The following ELF2 variants were observed in gnomAD, a reference collection of about 807,000 sequenced individuals.
ELF2 encodes the protein ETS-related transcription factor Elf-2.
Under a neutral mutation model 54.8 loss-of-function variants are expected in ELF2, and 11 were observed. The observed-to-expected ratio is 0.20, with a 90% CI of 0.13 to 0.33. The LOEUF is 0.33. ELF2 is among the 10% of genes least tolerant of loss of function. ELF2 has a pLI of 1.00. For missense variants in ELF2, 513 were observed against 703.0 expected, an observed-to-expected ratio of 0.73 and a Z score of 3.06; for synonymous variants, 203 against 245.1, an observed-to-expected ratio of 0.83 and a Z score of 1.61.
intron 1 of ELF2, among the ~76,000 whole-genome samples, chr4:139,158,409 A>G (rs2148896210): frequency 6.6e-6 from 1 of 152,270 alleles, no homozygotes; most frequent in Admixed American, 6.5e-5. Context: ...AAATAACATA[A>G]AACAAAATAG....
At chr4:139,113,352 T>A (rs1427828596) in intron 4 of ELF2, among the ~76,000 whole-genome samples, 1 of 152,120 alleles carries the variant, frequency 6.6e-6, no homozygotes, top group Non-Finnish European at 1.5e-5. Flanking sequence ...AGAGAGACCC[T>A]GTCTCAAAAT....
At chr4:139,061,835 GT>G in intron 8 of ELF2, 29 bp downstream of exon 8, 1 of 1,604,000 alleles carries the variant, frequency 6.2e-7, no homozygotes, top group Admixed American at 1.7e-5. Context: ...CATAAATTTT[GT>G]TTGAATACTA....
At chr4:139,176,321 T>G (rs1385648622) in intron 1 of ELF2, among the ~76,000 whole-genome samples, 1 of 152,124 alleles carries the variant, frequency 6.6e-6, no homozygotes, top group African/African-American at 2.4e-5. Flanking sequence ...CAACCTGTCG[T>G]GCAAGCTAGC....
intron 3 of ELF2, among the ~76,000 whole-genome samples, chr4:139,132,223 C>T (rs1737559306): frequency 6.6e-6 from 1 of 152,028 alleles, no homozygotes; most frequent in African/African-American, 2.4e-5. Context: ...TAAATAAAGC[C>T]AGTAACAGGT....
chr4:139,068,988 G>A (rs558386528), intron 6 of ELF2, among the ~76,000 whole-genome samples: 17 of 151,658 alleles, frequency 1.1e-4, no homozygotes, highest in Non-Finnish European at 2.2e-4. Context: ...TCCCACCTCA[G>A]CCCCCTAAGT....
At chr4:139,061,567 C>T (rs1727863266) in intron 8 of ELF2, among the ~76,000 whole-genome samples, 1 of 152,110 alleles carries the variant, frequency 6.6e-6, no homozygotes, top group South Asian at 2.1e-4. Context: ...CTTTAGGAAC[C>T]ATAATTTGTT....
At position 139,147,032 on chromosome 4, in the gene ELF2, CTAAT is replaced by C. The variant is rs1739288043; in HGVS notation, c.-251-7539_-251-7536del. ...TAAAACAAAAATAAATAAATGGGAC[CTAAT>C]TAAACTAAAAGGCTTCTGTACAGCA... On this transcript the variant is annotated intron_variant, in intron 1 of 9. Transcript: ENST00000686138. 2.0e-5 allele frequency among the ~76,000 whole-genome samples: 3 copies of C among 152,156 alleles called. No individual in the cohort carries two copies. In the South Asian group the frequency reaches 6.2e-4, roughly 32 times the overall value.
chr4:139,177,710 C>T (rs1743119143), upstream of ELF2, among the ~76,000 whole-genome samples: 1 of 151,932 alleles, frequency 6.6e-6, no homozygotes, highest in Non-Finnish European at 1.5e-5. Context: ...TTTCCCCCGC[C>T]GGCCGGGACC....
intron 4 of ELF2, among the ~76,000 whole-genome samples, chr4:139,074,727 T>C (rs943580150): frequency 2.1e-5 from 3 of 146,070 alleles, no homozygotes; most frequent in South Asian, 2.2e-4. Flanking sequence ...ACCATTGCAC[T>C]CCAGCCTGGG....
chr4:139,071,625 A>G (rs1729522244), intron 6 of ELF2, among the ~76,000 whole-genome samples: 1 of 152,150 alleles, frequency 6.6e-6, no homozygotes, highest in South Asian at 2.1e-4. Context: ...TGTGTCGAAC[A>G]CCTGTTAAAT....
At chr4:139,126,184 T>C (rs1383072122) in intron 3 of ELF2, among the ~76,000 whole-genome samples, 1 of 151,892 alleles carries the variant, frequency 6.6e-6, no homozygotes, top group East Asian at 1.9e-4. Context: ...AAAGATACAA[T>C]AGCTGAAATG....
intron 4 of ELF2, chr4:139,101,688 G>A (rs1425395353): frequency 6.6e-6 from 1 of 152,270 alleles, no homozygotes; most frequent in East Asian, 1.9e-4. Context: ...TGAATGCACT[G>A]GCTTCTGATC....
At chr4:139,064,868 G>A (rs538048644) in intron 7 of ELF2, among the ~76,000 whole-genome samples, 5 of 151,932 alleles carry the variant, frequency 3.3e-5, no homozygotes, top group East Asian at 1.9e-4. Flanking sequence ...CAACAAGAGC[G>A]AAACTCCACC....
intron 1 of ELF2, among the ~76,000 whole-genome samples, chr4:139,153,350 G>T (rs541040962): frequency 1.3e-5 from 2 of 152,150 alleles, no homozygotes; most frequent in East Asian, 3.9e-4. Flanking sequence ...TGGGAGGATC[G>T]CTTGAGCCTG....
intron 1 of ELF2, among the ~76,000 whole-genome samples, chr4:139,143,346 A>G (rs1738904364): frequency 1.3e-5 from 2 of 152,180 alleles, no homozygotes; most frequent in Admixed American, 1.3e-4. Flanking sequence ...GGAGCACACA[A>G]AGAAATGAGT....
At position 139,075,922 on chromosome 4, in the gene ELF2, G is replaced by C. The variant is rs575179696; in HGVS notation, c.239-2355C>G. Among the ~76,000 whole-genome samples, 3 of 152,072 alleles carry C rather than the reference G, an allele frequency of 2.0e-5. No individual in the cohort carries two copies. The South Asian group carries it at 6.2e-4, about 32-fold the overall frequency. On this transcript the variant is annotated intron_variant, in intron 4 of 9. Coordinates refer to ENST00000686138, the MANE Select transcript of ELF2 (RefSeq NM_001331036.3). ...CTCTAACTTGACAGATTTTTTTTAA[G>C]ATGTCCCCTAAAGGAACTAAAAGTA...
intron 1 of ELF2, among the ~76,000 whole-genome samples, chr4:139,143,040 T>C (rs1419281422): frequency 6.6e-6 from 1 of 152,206 alleles, no homozygotes; most frequent in Non-Finnish European, 1.5e-5. Context: ...TCTGTATCCC[T>C]ATCTAGACAA....
intron 4 of ELF2, among the ~76,000 whole-genome samples, chr4:139,096,573 T>C (rs1173432959): frequency 6.6e-6 from 1 of 151,432 alleles, no homozygotes; most frequent in Non-Finnish European, 1.5e-5. Flanking sequence ...GCGATTCTCC[T>C]GCCTCAGCTT....
rs986517960 is a variant in ELF2, at chr4:139,115,459, C to T, written c.238+9705G>A. 9 of 961,402 alleles carry T rather than the reference C, an allele frequency of 9.4e-6. No homozygotes were observed. In the East Asian group the frequency reaches 6.9e-4, roughly 73 times the overall value. 59.6% of individuals were successfully genotyped at this position (961,402 alleles called of 1,614,324 possible). On this transcript the variant is annotated intron_variant, in intron 4 of 9. Transcript: ENST00000686138. ...CGCCCCCGGCTGGCTGGGGTTAGCT[C>T]GCCGCGGCGAGGGCAGCGGCGGGGG...
Sources: gnomAD v4.1 joint callset for allele counts (sites outside exome capture counted in the v4.1 genomes callset) on GRCh38, gnomAD v4.1.1 for gene constraint, MANE v1.5 for transcripts, NCBI Gene and HGNC (gene_info 2026-07-23, HGNC 2026-07-21) for gene names.